LRRC4C: variants seen among roughly 807,000 people sequenced by gnomAD.
LRRC4C encodes leucine rich repeat containing 4C, also known as leucine-rich repeat-containing protein 4C.
In LRRC4C, 5 loss-of-function variants were observed where a neutral mutation model predicts 33.6. The ratio of observed to expected loss-of-function variants is 0.15; its 90% CI spans 0.08 to 0.31. The LOEUF (loss-of-function observed/expected upper bound fraction) is 0.31. LRRC4C is among the 10% of genes least tolerant of loss of function. The pLI, the probability that LRRC4C is intolerant of heterozygous loss-of-function variation, is 1.00. For missense variants in LRRC4C, 560 were observed against 796.7 expected, an observed-to-expected ratio of 0.70 and a Z score of 3.58; for synonymous variants, 329 against 302.0, an observed-to-expected ratio of 1.09 and a Z score of -0.93.
intron 4 of LRRC4C, among the ~76,000 whole-genome samples, chr11:40,265,357 T>C (rs759000169): frequency 3.3e-5 from 5 of 152,202 alleles, no homozygotes; most frequent in Non-Finnish European, 5.9e-5. Context: ...TTAAATGGGC[T>C]CTAAGAATAT....
At chr11:41,384,892 G>T (rs775182206) in intron 1 of LRRC4C, among the ~76,000 whole-genome samples, 4 of 148,372 alleles carry the variant, frequency 2.7e-5, no homozygotes, top group Non-Finnish European at 4.5e-5. Flanking sequence ...AACTTTTTGG[G>T]GAGCTTTTAA....
chr11:40,732,124 T>C (rs1947618829), intron 2 of LRRC4C, among the ~76,000 whole-genome samples: 1 of 152,160 alleles, frequency 6.6e-6, no homozygotes, highest in African/African-American at 2.4e-5. Context: ...TTTCTTCTGT[T>C]AATTATTTTG....
At chr11:40,418,619 C>G (rs1473883868) in intron 3 of LRRC4C, among the ~76,000 whole-genome samples, 1 of 152,160 alleles carries the variant, frequency 6.6e-6, no homozygotes, top group Non-Finnish European at 1.5e-5. Context: ...GGTATATACT[C>G]AAAGGAGTAT....
At chr11:40,397,214 T>G (rs1402237128) in intron 3 of LRRC4C, among the ~76,000 whole-genome samples, 1 of 152,082 alleles carries the variant, frequency 6.6e-6, no homozygotes, top group Non-Finnish European at 1.5e-5. Context: ...AATTTTAAAA[T>G]ATTTCGTCTT....
intron 3 of LRRC4C, among the ~76,000 whole-genome samples, chr11:40,413,763 A>T (rs1487786036): frequency 6.6e-6 from 1 of 152,126 alleles, no homozygotes; most frequent in Non-Finnish European, 1.5e-5. Flanking sequence ...TAACTTGCTT[A>T]AATCACTGAC....
chr11:40,898,084 G>A (rs1204792792), intron 2 of LRRC4C, among the ~76,000 whole-genome samples: 4 of 152,124 alleles, frequency 2.6e-5, no homozygotes, highest in Non-Finnish European at 5.9e-5. Flanking sequence ...GCTGGGTGCG[G>A]TGGCTTACGC....
intron 3 of LRRC4C, among the ~76,000 whole-genome samples, chr11:40,606,095 G>T (rs1960558792): frequency 6.6e-6 from 1 of 152,192 alleles, no homozygotes; most frequent in Non-Finnish European, 1.5e-5. Context: ...TAAGAGAAGA[G>T]TAAAGTGTGT....
At chr11:41,333,427 G>A (rs548601845) in intron 1 of LRRC4C, among the ~76,000 whole-genome samples, 15 of 152,160 alleles carry the variant, frequency 9.9e-5, no homozygotes, top group East Asian at 7.7e-4. Context: ...ACATATTTGC[G>A]TATTTTAGGA....
chr11:41,082,622 C>T (rs1939664464), intron 1 of LRRC4C, among the ~76,000 whole-genome samples: 1 of 152,070 alleles, frequency 6.6e-6, no homozygotes, highest in Non-Finnish European at 1.5e-5. Context: ...AATAATTTGT[C>T]CAAGGTCACA....
chr11:40,174,201 G>A (rs1206706343), intron 5 of LRRC4C, among the ~76,000 whole-genome samples: 1 of 152,132 alleles, frequency 6.6e-6, no homozygotes, highest in Non-Finnish European at 1.5e-5. Context: ...AGAGTCTGCT[G>A]GTCACAGAAT....
chr11:40,991,204 T>TAAA (rs1186155913), intron 1 of LRRC4C, among the ~76,000 whole-genome samples: 7 of 103,334 alleles, frequency 6.8e-5, no homozygotes, highest in African/African-American at 1.1e-4. Context: ...TCCCAATATG[T>TAAA]AAAAAAAAAA....
At chr11:40,547,726 T>C (rs1244381239) in intron 3 of LRRC4C, among the ~76,000 whole-genome samples, 1 of 152,108 alleles carries the variant, frequency 6.6e-6, no homozygotes, top group Non-Finnish European at 1.5e-5. Context: ...GTAGGCTGTT[T>C]AATGCAATCT....
chr11:40,422,874 T>G (rs1172591921), intron 3 of LRRC4C, among the ~76,000 whole-genome samples: 1 of 152,138 alleles, frequency 6.6e-6, no homozygotes, highest in Non-Finnish European at 1.5e-5. Context: ...ATCCAGTAAT[T>G]AAATTTCCAA....
chr11:40,941,142 T>C (rs913475695), intron 1 of LRRC4C, among the ~76,000 whole-genome samples: 7 of 151,990 alleles, frequency 4.6e-5, no homozygotes, highest in Non-Finnish European at 1.0e-4. Flanking sequence ...CAATTAGAAA[T>C]GAGATACTTA....
At chr11:40,588,061 C>T (rs1410225719) in intron 3 of LRRC4C, among the ~76,000 whole-genome samples, 1 of 151,714 alleles carries the variant, frequency 6.6e-6, no homozygotes, top group Non-Finnish European at 1.5e-5. Flanking sequence ...GTACCAGTTC[C>T]TCCTTGTACC....
Position 40,701,667 on chromosome 11 carries a change from A to G in LRRC4C, c.-406-53389T>C, listed in dbSNP as rs1945871018. On this transcript the variant is annotated intron_variant, in intron 2 of 6. Transcript: ENST00000528697. ...ATATATAAAACATAAAGATTTTATT[A>G]TTCTTTTCAAGAAAGTTTATTCTCC... Among the ~76,000 whole-genome samples the G allele has an allele frequency of 2.7e-5, 4 of 150,348 alleles. No individual in the cohort carries two copies. The South Asian group carries it at 8.3e-4, about 31-fold the overall frequency.
At chr11:40,986,806 A>G (rs1853042686) in intron 1 of LRRC4C, among the ~76,000 whole-genome samples, 1 of 152,212 alleles carries the variant, frequency 6.6e-6, no homozygotes, top group African/African-American at 2.4e-5. Context: ...CTGTATCTAT[A>G]TATCTGTGTA....
At chr11:40,313,597 T>G (rs1945423439) in intron 4 of LRRC4C, among the ~76,000 whole-genome samples, 1 of 86,330 alleles carries the variant, frequency 1.2e-5, no homozygotes, top group Non-Finnish European at 2.3e-5. Flanking sequence ...GGAGGGGAAA[T>G]TCTTTTTTTT....
chr11:41,335,769 C>T (rs1476701578), intron 1 of LRRC4C, among the ~76,000 whole-genome samples: 1 of 152,208 alleles, frequency 6.6e-6, no homozygotes, highest in African/African-American at 2.4e-5. Context: ...CAATCTCCCT[C>T]TCCTCCGTTC....
Sources: allele counts gnomAD v4.1 joint callset (sites outside exome capture counted in the v4.1 genomes callset), GRCh38; gene constraint gnomAD v4.1.1; transcripts MANE v1.5; gene names NCBI Gene and HGNC (gene_info 2026-07-23, HGNC 2026-07-21).